Variants in NBEAL1 observed in about 807,000 individuals in gnomAD.
NBEAL1 encodes the protein neurobeachin like 1, also known as neurobeachin-like protein 1.
A neutral mutation model predicts 351.3 loss-of-function variants in NBEAL1; 273 were observed. That is an observed-to-expected ratio of 0.78 (90% CI 0.70 to 0.86). The LOEUF (loss-of-function observed/expected upper bound fraction) is 0.86, where lower values mean the gene tolerates loss of function less well. NBEAL1 is among the 40% of genes least tolerant of loss of function. The pLI is 0.00. For missense variants in NBEAL1, 2,961 were observed against 3,201.3 expected, an observed-to-expected ratio of 0.92 and a Z score of 1.81; for synonymous variants, 1,050 against 1,086.4, an observed-to-expected ratio of 0.97 and a Z score of 0.66.
chr2:203,083,438 C>T lies in NBEAL1; in HGVS notation c.904C>T (p.Leu302=). The change falls in exon 9 of 56, where the codon CTA becomes TTA. Residue 302 remains leucine (L), a synonymous_variant. Coordinates refer to ENST00000683969, the MANE Select transcript of NBEAL1 (RefSeq NM_001378026.1). The part of the protein sequence containing the change: ...STILENYFKL[L]NSDHSALPNQ... ...TATTCTGGAGAACTATTTTAAATTG[C>T]TAAATTCAGATCATTCAGCTTTACC... The T allele has an allele frequency of 6.4e-7, 1 of 1,553,566 alleles. No individual in the cohort carries two copies. Among genetic ancestry groups the T allele is most frequent in the Non-Finnish European group, 8.7e-7 (1 of 1,147,400 alleles).
At chr2:203,197,161 T>G in intron 47 of NBEAL1, 141 bp from the exon 48 acceptor site, 1 of 508,900 alleles carries the variant, frequency 2.0e-6, no homozygotes. Context: ...CTTTCCTTCA[T>G]TTTAAATTAA....
chr2:203,223,307 A>G lies in NBEAL1; in HGVS notation c.*5953A>G, dbSNP rs549380045. ...TAATTCAATATTTGTTTTTCATGGTACGGTTTTCATGTTTCCTTGGAAACA... is the reference window on the plus strand; with the variant it reads ...TAATTCAATATTTGTTTTTCATGGTGCGGTTTTCATGTTTCCTTGGAAACA... On this transcript the variant is annotated 3_prime_UTR_variant, in exon 56 of 56. Transcript: ENST00000683969. Among the ~76,000 whole-genome samples the G allele has an allele frequency of 1.4e-4, 21 of 152,230 alleles. No individual in the cohort carries two copies. In the South Asian group the frequency reaches 3.7e-3, roughly 27 times the overall value.
intron 12 of NBEAL1, among the ~76,000 whole-genome samples, chr2:203,105,899 CAG>C (rs762216530): frequency 3.3e-5 from 5 of 152,202 alleles, no homozygotes; most frequent in Non-Finnish European, 7.3e-5. Context: ...AGCTTTATAT[CAG>C]AGTTTTTCTT....
chr2:203,136,799 C>T (rs1170253804), intron 29 of NBEAL1, 25 bp downstream of exon 29: 2 of 1,601,364 alleles, frequency 1.2e-6, no homozygotes, highest in Non-Finnish European at 1.7e-6. Flanking sequence ...AGTGATTTTC[C>T]ATCCTCCTTT....
At chr2:203,131,274 G>A (rs912242014) in intron 25 of NBEAL1, among the ~76,000 whole-genome samples, 5 of 152,180 alleles carry the variant, frequency 3.3e-5, no homozygotes, top group African/African-American at 1.2e-4. Flanking sequence ...GGAGTGCAGT[G>A]GTGTGATCTT....
intron 21 of NBEAL1, 51 bp from the exon 22 acceptor site, chr2:203,126,506 T>C: frequency 1.6e-6 from 2 of 1,253,706 alleles, no homozygotes; most frequent in Non-Finnish European, 2.1e-6. Flanking sequence ...TATAACTTAA[T>C]GACAGTTATT....
At chr2:203,117,693 T>G (rs911275635) in intron 18 of NBEAL1, among the ~76,000 whole-genome samples, 2 of 152,064 alleles carry the variant, frequency 1.3e-5, no homozygotes, top group Admixed American at 6.5e-5. Context: ...CCCACACCGT[T>G]TTTTTGGAGA....
At chr2:203,081,279 C>T (rs1342471884) in intron 8 of NBEAL1, among the ~76,000 whole-genome samples, 1 of 152,190 alleles carries the variant, frequency 6.6e-6, no homozygotes, top group Non-Finnish European at 1.5e-5. Context: ...ATATTTGAAA[C>T]CTGTCCTGTT....
intron 34 of NBEAL1, among the ~76,000 whole-genome samples, chr2:203,149,989 A>AT (rs1361286645): frequency 6.6e-6 from 1 of 151,912 alleles, no homozygotes; most frequent in African/African-American, 2.4e-5. Flanking sequence ...ATTGTTTTCC[A>AT]TTTTTTGGCT....
At chr2:203,059,586 C>T (rs1252189418) in intron 6 of NBEAL1, among the ~76,000 whole-genome samples, 4 of 152,248 alleles carry the variant, frequency 2.6e-5, no homozygotes, top group Non-Finnish European at 5.9e-5. Flanking sequence ...TTGTCCAGAA[C>T]TGTGATTACA....
Position 203,213,491 on chromosome 2 carries a change from T to G in NBEAL1, c.7935-27T>G, listed in dbSNP as rs2065843187. 2.5e-6 allele frequency: 4 copies of G among 1,584,270 alleles called. No homozygotes were observed. In the African/African-American group the frequency reaches 5.4e-5, roughly 21 times the overall value. ...AATTCATTATAAATCCGTGTAATTA[T>G]GTCTGTATTTTTTATTTCTTTTCTA... On this transcript the variant is annotated intron_variant, in intron 54 of 55. Coordinates refer to ENST00000683969, the MANE Select transcript of NBEAL1 (RefSeq NM_001378026.1).
intron 7 of NBEAL1, among the ~76,000 whole-genome samples, chr2:203,071,009 C>A (rs2061673508): frequency 1.3e-5 from 2 of 152,174 alleles, no homozygotes; most frequent in Admixed American, 1.3e-4. Context: ...AGTGACCCTC[C>A]TTCCTCAGTC....
At chr2:203,028,434 G>A (rs1284620072) in intron 2 of NBEAL1, among the ~76,000 whole-genome samples, 1 of 151,778 alleles carries the variant, frequency 6.6e-6, no homozygotes, top group Non-Finnish European at 1.5e-5. Context: ...AAAAATACAG[G>A]TATGCAGGAG....
At chr2:203,126,363 A>G (rs1054772475) in intron 21 of NBEAL1, among the ~76,000 whole-genome samples, 194 bp from the exon 22 acceptor site, 5 of 152,184 alleles carry the variant, frequency 3.3e-5, no homozygotes, top group Non-Finnish European at 7.4e-5. Flanking sequence ...ATATAAGACT[A>G]TTTTAGGAAT....
chr2:203,133,532 T>C (rs1575019415), intron 27 of NBEAL1, among the ~76,000 whole-genome samples: 1 of 152,128 alleles, frequency 6.6e-6, no homozygotes, highest in East Asian at 1.9e-4. Flanking sequence ...ATTCCAACAA[T>C]GATTTGTCTT....
At chr2:203,205,835 A>C (rs2065537944) in intron 51 of NBEAL1, among the ~76,000 whole-genome samples, 1 of 152,250 alleles carries the variant, frequency 6.6e-6, no homozygotes, top group Admixed American at 6.5e-5. Flanking sequence ...GAGTTTTAAA[A>C]GTTAAATATA....
At chr2:203,094,087 A>G (rs2062126678) in intron 10 of NBEAL1, among the ~76,000 whole-genome samples, 1 of 152,176 alleles carries the variant, frequency 6.6e-6, no homozygotes, top group Non-Finnish European at 1.5e-5. Flanking sequence ...TGATTAGCCC[A>G]AGGTCAACAC....
intron 19 of NBEAL1, among the ~76,000 whole-genome samples, chr2:203,122,993 A>C (rs573028398): frequency 6.6e-6 from 1 of 152,162 alleles, no homozygotes; most frequent in Non-Finnish European, 1.5e-5. Context: ...TAATTCTTAA[A>C]TATAGTGTTT....
In NBEAL1 at chr2:203,223,615, A is replaced by T. The variant is rs573103771; in HGVS notation, c.*6261A>T. ...AAATTTATCAATTCAGCTACTTTTT[A>T]AAAGAAGTCCTATTCCAATTGGACC... is the stretch of plus-strand genomic sequence containing the variant. On this transcript the variant is annotated 3_prime_UTR_variant, in exon 56 of 56. Transcript: ENST00000683969. Among the ~76,000 whole-genome samples, 2 of 152,210 alleles carry T rather than the reference A, an allele frequency of 1.3e-5. No individual in the cohort carries two copies. The highest frequency in any genetic ancestry group is 1.3e-4 in the Admixed American group (2 of 15,294).
Sources: gnomAD v4.1 joint callset for allele counts (sites outside exome capture counted in the v4.1 genomes callset) on GRCh38, gnomAD v4.1.1 for gene constraint, MANE v1.5 for transcripts, NCBI Gene and HGNC (gene_info 2026-07-23, HGNC 2026-07-21) for gene names.